The following CRACR2A variants were observed in gnomAD, a reference collection of about 807,000 sequenced individuals.
CRACR2A encodes EF-hand calcium-binding domain-containing protein 4B.
Under a neutral mutation model 90.5 loss-of-function variants are expected in CRACR2A, and 79 were observed. That is an observed-to-expected ratio of 0.87 (90% CI 0.73 to 1.05). The LOEUF is 1.05. Ranked by LOEUF, CRACR2A falls within the 50% of genes least tolerant of loss-of-function variation. The pLI is 0.00. For synonymous variants in CRACR2A, 338 were observed against 356.7 expected (o/e 0.95, Z 0.59); for missense variants, 823 against 897.2 (o/e 0.92, Z 1.06).
intron 7 of CRACR2A, among the ~76,000 whole-genome samples, chr12:3,666,361 G>GCGCGCA (rs1491125865): frequency 6.8e-6 from 1 of 147,032 alleles, no homozygotes; most frequent in African/African-American, 2.7e-5. Context: ...GTGTGCGTGC[G>GCGCGCA]TGTGCGCGTG....
chr12:3,640,412 T>C, intron 13 of CRACR2A: 3 of 761,938 alleles, frequency 3.9e-6, no homozygotes, highest in Non-Finnish European at 5.3e-6. Context: ...CATTTAATAA[T>C]GGAGATTAAT....
chr12:3,672,207 C>T (rs138764063), intron 7 of CRACR2A, among the ~76,000 whole-genome samples: 49 of 152,202 alleles, frequency 3.2e-4, no homozygotes, highest in African/African-American at 1.1e-3. Flanking sequence ...GAGTTAAGGT[C>T]AGGGAGACAC....
At chr12:3,740,636 G>C (rs547665911) in intron 1 of CRACR2A, among the ~76,000 whole-genome samples, 69 of 152,162 alleles carry the variant, frequency 4.5e-4, no homozygotes, top group Non-Finnish European at 8.8e-4. Flanking sequence ...CTGCATTGCT[G>C]TACACATTTG....
intron 3 of CRACR2A, among the ~76,000 whole-genome samples, chr12:3,700,115 C>T (rs1401592480): frequency 6.6e-6 from 1 of 152,142 alleles, no homozygotes; most frequent in Non-Finnish European, 1.5e-5. Flanking sequence ...CCCTACCGAA[C>T]AGGATTTAAA....
intron 17 of CRACR2A, 72 bp from the exon 18 acceptor site, chr12:3,619,444 G>A (rs1216645762): frequency 5.7e-6 from 7 of 1,237,246 alleles, no homozygotes; most frequent in Admixed American, 4.0e-5. Flanking sequence ...TAACAATGCC[G>A]GCTGGACAGA....
At position 3,680,363 on chromosome 12, in the gene CRACR2A, A is replaced by G; in HGVS notation, c.229-14T>C. On this transcript the variant is annotated splice_polypyrimidine_tract_variant and intron_variant, in intron 4 of 19. Coordinates refer to ENST00000440314, the MANE Select transcript of CRACR2A (RefSeq NM_001144958.2). ...CTTATGCAGCCTCTGAAAACAACCC[A>G]GAGTGTACTGGTTAACACTGACACT... 1 of 1,608,544 alleles carries G rather than the reference A, an allele frequency of 6.2e-7. No homozygotes were observed. The highest frequency in any genetic ancestry group is 1.3e-5 in the African/African-American group (1 of 74,916).
intron 4 of CRACR2A, among the ~76,000 whole-genome samples, chr12:3,694,022 C>T (rs1265831112): frequency 6.6e-6 from 1 of 152,178 alleles, no homozygotes; most frequent in Non-Finnish European, 1.5e-5. Context: ...TTCAACTCAG[C>T]CATTCCCCTG....
chr12:3,638,242 G>T lies in CRACR2A; in HGVS notation c.1484C>A (p.Ser495Ter). 6.4e-7 allele frequency: 1 copy of T among 1,551,676 alleles called. No homozygotes were observed. The highest frequency in any genetic ancestry group is 8.7e-7 in the Non-Finnish European group (1 of 1,146,978). ...GGFEQPLSKC[S>*]EEEEVSDQGV... ...CTGGTCAGAGACCTCTTCCTCTTCTGAGCATTTGCTCAGGGGTTGCTCAAA... is the reference window on the plus strand; with the variant it reads ...CTGGTCAGAGACCTCTTCCTCTTCTTAGCATTTGCTCAGGGGTTGCTCAAA... The change falls in exon 14 of 20, where the codon TCA (serine) becomes TAA (stop). Residue 495 changes from serine to a stop codon, truncating the protein, a stop_gained. Coordinates refer to ENST00000440314, the MANE Select transcript of CRACR2A (RefSeq NM_001144958.2). LOFTEE classifies it high-confidence loss of function.
At chr12:3,680,733 C>T (rs1335189685) in intron 4 of CRACR2A, among the ~76,000 whole-genome samples, 1 of 152,172 alleles carries the variant, frequency 6.6e-6, no homozygotes, top group East Asian at 1.9e-4. Flanking sequence ...CTAGTAATGA[C>T]ATAGCCAGGA....
intron 7 of CRACR2A, among the ~76,000 whole-genome samples, chr12:3,661,663 A>G (rs1304520302): frequency 6.6e-6 from 1 of 152,222 alleles, no homozygotes; most frequent in East Asian, 1.9e-4. Context: ...ATACAGTTTG[A>G]AGGAACTTTC....
chr12:3,674,747 G>A (rs1465590350), intron 6 of CRACR2A, among the ~76,000 whole-genome samples: 1 of 151,920 alleles, frequency 6.6e-6, no homozygotes, highest in African/African-American at 2.4e-5. Context: ...AAATTAATGG[G>A]CACATATGTA....
intron 12 of CRACR2A, among the ~76,000 whole-genome samples, chr12:3,643,917 T>A (rs1306758177): frequency 3.6e-5 from 4 of 110,938 alleles, no homozygotes; most frequent in African/African-American, 1.4e-4. Flanking sequence ...TATATTTATA[T>A]TATATATATA....
intron 2 of CRACR2A, among the ~76,000 whole-genome samples, chr12:3,718,464 G>C (rs561296252): frequency 6.6e-6 from 1 of 152,198 alleles, no homozygotes; most frequent in East Asian, 1.9e-4. Context: ...CCAAGCCATA[G>C]ACCTGTACTG....
At chr12:3,744,009 A>G (rs1350547614) in intron 1 of CRACR2A, among the ~76,000 whole-genome samples, 5 of 152,218 alleles carry the variant, frequency 3.3e-5, no homozygotes, top group Non-Finnish European at 7.3e-5. Flanking sequence ...CAGCCTAGGA[A>G]CAAACTGTGT....
chr12:3,747,861 C>A (rs960804029), intron 1 of CRACR2A, among the ~76,000 whole-genome samples: 2 of 152,144 alleles, frequency 1.3e-5, no homozygotes, highest in African/African-American at 4.8e-5. Flanking sequence ...CAGAAGGGCA[C>A]AGAGCTCCAC....
chr12:3,702,523 T>C (rs533690047), intron 3 of CRACR2A, among the ~76,000 whole-genome samples: 1 of 152,244 alleles, frequency 6.6e-6, no homozygotes, highest in African/African-American at 2.4e-5. Flanking sequence ...AAAATTAAAA[T>C]TGAAATAAAA....
At chr12:3,723,722 G>A (rs1307639062) in intron 2 of CRACR2A, among the ~76,000 whole-genome samples, 6 of 152,116 alleles carry the variant, frequency 3.9e-5, no homozygotes, top group African/African-American at 1.4e-4. Flanking sequence ...TTGTAGGCAG[G>A]AGGATGCCTG....
chr12:3,652,288 C>T (rs1944807546), intron 10 of CRACR2A, among the ~76,000 whole-genome samples: 1 of 152,144 alleles, frequency 6.6e-6, no homozygotes, highest in Non-Finnish European at 1.5e-5. Context: ...GAGCCTGCAT[C>T]CTTAATTCTG....
In CRACR2A at chr12:3,638,244, G is replaced by A; in HGVS notation, c.1482C>T (p.Cys494=). 6.4e-7 allele frequency: 1 copy of A among 1,551,670 alleles called. No homozygotes were observed. Among genetic ancestry groups the A allele is most frequent in the South Asian group, 1.2e-5 (1 of 84,064 alleles). The change falls in exon 14 of 20, where the codon TGC becomes TGT. Residue 494 remains cysteine (C), a synonymous_variant. Coordinates refer to ENST00000440314, the MANE Select transcript of CRACR2A (RefSeq NM_001144958.2). ...GGTCAGAGACCTCTTCCTCTTCTGA[G>A]CATTTGCTCAGGGGTTGCTCAAAGC... The part of the protein sequence containing the change: ...DGGFEQPLSK[C]SEEEEVSDQG...
Sources: gnomAD v4.1 joint callset for allele counts (sites outside exome capture counted in the v4.1 genomes callset) on GRCh38, gnomAD v4.1.1 for gene constraint, MANE v1.5 for transcripts, NCBI Gene and HGNC (gene_info 2026-07-23, HGNC 2026-07-21) for gene names.